The following FAM149A variants were observed in gnomAD, a reference collection of about 807,000 sequenced individuals.
The protein encoded by FAM149A is family with sequence similarity 149 member A, also known as protein FAM149A.
A neutral mutation model predicts 78.2 loss-of-function variants in FAM149A; 71 were observed. The ratio of observed to expected loss-of-function variants is 0.91; its 90% CI spans 0.75 to 1.11. The LOEUF is 1.11. Among genes scored for constraint, FAM149A ranks in the 50% least tolerant of loss-of-function variants. The pLI, the probability that FAM149A is intolerant of heterozygous loss-of-function variation, is 0.00. For missense variants in FAM149A, 1,036 were observed against 971.0 expected, an observed-to-expected ratio of 1.07 and a Z score of -0.89; for synonymous variants, 446 against 410.5, an observed-to-expected ratio of 1.09 and a Z score of -1.04.
intron 1 of FAM149A, among the ~76,000 whole-genome samples, chr4:186,108,880 C>T (rs1224962355): frequency 2.7e-5 from 4 of 148,148 alleles, no homozygotes; most frequent in Admixed American, 1.4e-4. Context: ...CGGAGTCTTG[C>T]TCTGTCGCCC....
At chr4:186,153,894 G>A (rs1054198644) in intron 5 of FAM149A, 124 bp downstream of exon 5, 10 of 1,047,226 alleles carry the variant, frequency 9.5e-6, no homozygotes, top group Admixed American at 4.9e-5. Context: ...CTGATGAAGG[G>A]CAGGTACAGA....
intron 1 of FAM149A, among the ~76,000 whole-genome samples, chr4:186,142,703 A>T (rs1364775695): frequency 6.6e-6 from 1 of 152,188 alleles, no homozygotes; most frequent in Non-Finnish European, 1.5e-5. Flanking sequence ...GGCTCAACTG[A>T]GCCCAGACTT....
intron 8 of FAM149A, 123 bp downstream of exon 8, chr4:186,157,842 G>T (rs758494711): frequency 8.4e-6 from 13 of 1,549,072 alleles, no homozygotes; most frequent in South Asian, 8.2e-5. Flanking sequence ...GCCCGCAGAG[G>T]GGTCCATGCA....
At chr4:186,135,708 G>A (rs2099322401) in intron 1 of FAM149A, among the ~76,000 whole-genome samples, 1 of 152,140 alleles carries the variant, frequency 6.6e-6, no homozygotes, top group East Asian at 1.9e-4. Context: ...TGGCGCTTAG[G>A]AACACTCGGC....
intron 13 of FAM149A, chr4:186,169,999 T>C: frequency 1.1e-6 from 1 of 921,924 alleles, no homozygotes; most frequent in Non-Finnish European, 1.3e-6. Context: ...TTTTTAATGC[T>C]TCAAAGTTCA....
intron 1 of FAM149A, among the ~76,000 whole-genome samples, chr4:186,128,214 C>G (rs2099319219): frequency 1.3e-5 from 2 of 152,050 alleles, no homozygotes. Flanking sequence ...GTCTCGAAAT[C>G]CCAGCCTCAG....
chr4:186,142,205 CT>C (rs2099326089), intron 1 of FAM149A, among the ~76,000 whole-genome samples: 2 of 152,242 alleles, frequency 1.3e-5, no homozygotes, highest in Admixed American at 1.3e-4. Context: ...TGCTGCCTGG[CT>C]CCGCCACCTC....
In FAM149A at chr4:186,144,767, C is replaced by G. The variant is rs1732856102; in HGVS notation, c.567-4406C>G. The G allele has an allele frequency of 1.0e-6, 1 of 952,870 alleles. No individual in the cohort carries two copies. Among genetic ancestry groups the G allele is most frequent in the Admixed American group, 6.2e-5 (1 of 16,028 alleles). 59.0% of individuals were successfully genotyped at this position (952,870 alleles called of 1,614,324 possible). On this transcript the variant is annotated intron_variant, in intron 1 of 13. Transcript: ENST00000389354. This position sits in a 1 kb window ranked among gnomAD's most constrained non-coding sequence, Gnocchi z 4.2. Reference sequence around the variant, plus strand: ...GGGGCCCGGAGCGGGGATGGGCGGGCGCAGCCGGGATTAGCTGGCGGGCGA... The same window carrying G: ...GGGGCCCGGAGCGGGGATGGGCGGGGGCAGCCGGGATTAGCTGGCGGGCGA...
At chr4:186,157,502 T>TGTA (rs1734138449) in intron 7 of FAM149A, 63 bp from the exon 8 acceptor site, 2 of 1,520,024 alleles carry the variant, frequency 1.3e-6, no homozygotes, top group East Asian at 4.5e-5. Context: ...CAAGAGTGAA[T>TGTA]TTTAAGTATT....
chr4:186,136,976 T>TCTCTCTCTCTCTCTCTCTTTCTC (rs2099323291), intron 1 of FAM149A, among the ~76,000 whole-genome samples: 3 of 72,118 alleles, frequency 4.2e-5, no homozygotes, highest in African/African-American at 1.8e-4. Flanking sequence ...CTCTCTCTCT[T>TCTCTCTCTCTCTCTCTCTTTCTC]TCTCTCTCTC....
intron 1 of FAM149A, among the ~76,000 whole-genome samples, chr4:186,139,716 C>G (rs1036869017): frequency 6.6e-6 from 1 of 152,212 alleles, no homozygotes; most frequent in African/African-American, 2.4e-5. Flanking sequence ...TGGACTAGGA[C>G]AGTGTTAGGA....
At chr4:186,153,796 A>G (rs768842814) in intron 5 of FAM149A, 26 bp downstream of exon 5, 1 of 1,575,700 alleles carries the variant, frequency 6.3e-7, no homozygotes, top group Non-Finnish European at 8.7e-7. Flanking sequence ...TGACTCTCAA[A>G]AAGTATTGTT....
At chr4:186,145,801 C>A (rs1732988590) in intron 1 of FAM149A, among the ~76,000 whole-genome samples, 1 of 152,120 alleles carries the variant, frequency 6.6e-6, no homozygotes, top group Non-Finnish European at 1.5e-5. Flanking sequence ...CATGGACATG[C>A]CACCATATTC....
chr4:186,140,137 C>A (rs2099325191), intron 1 of FAM149A, among the ~76,000 whole-genome samples: 1 of 152,180 alleles, frequency 6.6e-6, no homozygotes, highest in Non-Finnish European at 1.5e-5. Context: ...CTGCTCACAG[C>A]ATTAAGTTAT....
rs1732853602 is a variant in FAM149A, at chr4:186,144,751, A to T, written c.567-4422A>T. 1 of 871,402 alleles carries T rather than the reference A, an allele frequency of 1.1e-6. No individual in the cohort carries two copies. Among genetic ancestry groups the T allele is most frequent in the Non-Finnish European group, 1.4e-6 (1 of 740,002 alleles). The allele number at this position is 871,402 out of a possible 1,614,324, so 54.0% of individuals were successfully genotyped here. A position where few individuals can be genotyped will look rare whatever the true frequency, so the allele number is the denominator to read the frequency against. On this transcript the variant is annotated intron_variant, in intron 1 of 13. Transcript: ENST00000389354. This position sits in a 1 kb window ranked among gnomAD's most constrained non-coding sequence, Gnocchi z 4.2. ...GGCCGGGGCCGGGGCCGGGGCCCGG[A>T]GCGGGGATGGGCGGGCGCAGCCGGG...
At chr4:186,160,321 CCAAA>C (rs1219984297) in intron 8 of FAM149A, among the ~76,000 whole-genome samples, 6 of 144,628 alleles carry the variant, frequency 4.1e-5, no homozygotes, top group South Asian at 2.3e-4. Flanking sequence ...ACACCACACA[CCAAA>C]CACACACCAC....
chr4:186,156,173 G>A lies in FAM149A; in HGVS notation c.1403G>A (p.Trp468Ter). 1 of 1,612,278 alleles carries A rather than the reference G, an allele frequency of 6.2e-7. No individual in the cohort carries two copies. The highest frequency in any genetic ancestry group is 8.5e-7 in the Non-Finnish European group (1 of 1,179,336). Reference sequence around the variant, plus strand: ...TTGGAAGAGCTGATTAGAAAACACTGGGAAACTACACTCACAGGTACTTAC... The same window carrying A: ...TTGGAAGAGCTGATTAGAAAACACTAGGAAACTACACTCACAGGTACTTAC... Residue 468 changes from tryptophan to a stop codon, truncating the protein, a stop_gained, in exon 7 of 14, where the codon TGG becomes TAG. Transcript: ENST00000389354. LOFTEE classifies it high-confidence loss of function.
chr4:186,169,381 G>T, intron 13 of FAM149A: 1 of 985,442 alleles, frequency 1.0e-6, no homozygotes, highest in South Asian at 4.7e-5. Flanking sequence ...GTGCAATGAG[G>T]CGCGTGCCCC....
chr4:186,105,011 C>CT lies in FAM149A; in HGVS notation c.-65dup. ...GGCTCCTCGCCCCGGCCCGGGCCGC[C>CT]TCGGCCGGATCTCCGCGGTCTGAAC... On this transcript the variant is annotated 5_prime_UTR_variant, in exon 1 of 14. Coordinates refer to ENST00000389354, the MANE Select transcript of FAM149A (RefSeq NM_001367768.3). 8.0e-7 allele frequency: 1 copy of CT among 1,245,040 alleles called. No homozygotes were observed. The highest frequency in any genetic ancestry group is 1.0e-6 in the Non-Finnish European group (1 of 969,542). The allele number at this position is 1,245,040 out of a possible 1,614,324, so 77.1% of individuals were successfully genotyped here. A position where few individuals can be genotyped will look rare whatever the true frequency, so the allele number is the denominator to read the frequency against.
Sources: gnomAD v4.1 joint callset for allele counts (sites outside exome capture counted in the v4.1 genomes callset) on GRCh38, gnomAD v4.1.1 for gene constraint, Gnocchi (gnomAD v3.1) non-coding constraint, MANE v1.5 for transcripts, NCBI Gene and HGNC (gene_info 2026-07-23, HGNC 2026-07-21) for gene names.